Variants in NCKAP5 observed in about 807,000 individuals in gnomAD.
The protein encoded by NCKAP5 is nck-associated protein 5.
In NCKAP5, 92 loss-of-function variants were observed where a neutral mutation model predicts 167.0. The ratio of observed to expected loss-of-function variants is 0.55; its 90% CI spans 0.47 to 0.66. The LOEUF (loss-of-function observed/expected upper bound fraction) is 0.66. Ranked by LOEUF, NCKAP5 falls within the 30% of genes least tolerant of loss-of-function variation. The probability of loss-of-function intolerance (pLI) is 0.00; values close to 1 mark genes in which losing one functional copy is unlikely to be tolerated. For synonymous variants in NCKAP5, 891 were observed against 877.4 expected (o/e 1.02, Z -0.27); for missense variants, 2,378 against 2,315.0 (o/e 1.03, Z -0.56).
At chr2:133,196,551 T>C (rs1296443607) in intron 5 of NCKAP5, among the ~76,000 whole-genome samples, 1 of 152,080 alleles carries the variant, frequency 6.6e-6, no homozygotes, top group African/African-American at 2.4e-5. Context: ...AACACAAATA[T>C]AAATCCTAGA....
intron 8 of NCKAP5, among the ~76,000 whole-genome samples, chr2:132,923,362 A>C (rs972143670): frequency 6.6e-6 from 1 of 152,214 alleles, no homozygotes. Flanking sequence ...TGTGTCTTCT[A>C]TACCTGGGAT....
At chr2:133,244,780 A>C (rs564118996) in intron 4 of NCKAP5, among the ~76,000 whole-genome samples, 2 of 152,226 alleles carry the variant, frequency 1.3e-5, no homozygotes, top group East Asian at 3.9e-4. Flanking sequence ...AGTAACTCTT[A>C]ATCTTTAATT....
intron 3 of NCKAP5, among the ~76,000 whole-genome samples, chr2:133,367,449 T>C (rs1574812515): frequency 1.3e-5 from 2 of 152,172 alleles, no homozygotes; most frequent in African/African-American, 4.8e-5. Flanking sequence ...AAAATATAAG[T>C]TTAAAAACCA....
chr2:133,493,350 A>G (rs1326769827), intron 3 of NCKAP5, among the ~76,000 whole-genome samples: 1 of 152,216 alleles, frequency 6.6e-6, no homozygotes, highest in African/African-American at 2.4e-5. Context: ...AACAATTACC[A>G]TTAGCCAGTG....
At chr2:132,959,879 G>GA (rs750445960) in intron 8 of NCKAP5, among the ~76,000 whole-genome samples, 4 of 152,144 alleles carry the variant, frequency 2.6e-5, no homozygotes, top group Non-Finnish European at 5.9e-5. Context: ...AAAATACATA[G>GA]AAAATGCTAC....
Position 133,479,448 on chromosome 2 carries a change from A to G in NCKAP5, c.69+38010T>C, listed in dbSNP as rs190597431. 1.9e-3 allele frequency among the ~76,000 whole-genome samples: 283 copies of G among 152,326 alleles called. 1 individual carries two copies. The highest frequency in any genetic ancestry group is 2.5e-3 in the Non-Finnish European group (170 of 68,026). On this transcript the variant is annotated intron_variant, in intron 3 of 19. Coordinates refer to ENST00000409261, the MANE Select transcript of NCKAP5 (RefSeq NM_207363.3). ...TCAGTTCTGGTTATTGTCAAAACTG[A>G]TGTTTCTCCACCATGGAAGGGAACA...
At chr2:132,994,327 G>A (rs927665988) in intron 6 of NCKAP5, 88 bp from the exon 7 acceptor site, 17 of 869,152 alleles carry the variant, frequency 2.0e-5, no homozygotes, top group East Asian at 2.7e-5. Flanking sequence ...TCTTCTATGC[G>A]TATTTCCCAA....
At chr2:132,874,759 T>C (rs933040306) in intron 9 of NCKAP5, among the ~76,000 whole-genome samples, 4 of 152,076 alleles carry the variant, frequency 2.6e-5, no homozygotes, top group African/African-American at 7.2e-5. Flanking sequence ...TTTGTGAAAA[T>C]TGCCAATTTC....
At chr2:132,855,206 G>A (rs1415625151) in intron 11 of NCKAP5, among the ~76,000 whole-genome samples, 5 of 152,116 alleles carry the variant, frequency 3.3e-5, no homozygotes, top group Non-Finnish European at 7.3e-5. Flanking sequence ...TGCACGTCTG[G>A]CAGGTTAATA....
chr2:132,865,997 C>T (rs1347196493), intron 10 of NCKAP5, among the ~76,000 whole-genome samples: 1 of 152,134 alleles, frequency 6.6e-6, no homozygotes, highest in African/African-American at 2.4e-5. Context: ...TGCCCCTTTA[C>T]AGGGGAAATA....
chr2:133,054,670 G>C (rs912853864), intron 6 of NCKAP5, among the ~76,000 whole-genome samples: 2 of 152,138 alleles, frequency 1.3e-5, no homozygotes, highest in Non-Finnish European at 2.9e-5. Context: ...GCTTTTAGTG[G>C]GGTTAGAAAT....
At chr2:133,429,603 A>G (rs1040723585) in intron 3 of NCKAP5, among the ~76,000 whole-genome samples, 5 of 152,140 alleles carry the variant, frequency 3.3e-5, no homozygotes, top group African/African-American at 1.2e-4. Context: ...TTCACTTAGG[A>G]TAATGGACTC....
At chr2:132,692,648 A>G (rs532623688) in intron 19 of NCKAP5, among the ~76,000 whole-genome samples, 1 of 152,324 alleles carries the variant, frequency 6.6e-6, no homozygotes, top group African/African-American at 2.4e-5. Flanking sequence ...TCACACTGTG[A>G]AAAACAAGTG....
intron 3 of NCKAP5, among the ~76,000 whole-genome samples, chr2:133,337,257 C>G (rs751849445): frequency 9.2e-5 from 14 of 152,182 alleles, no homozygotes; most frequent in Non-Finnish European, 1.9e-4. Context: ...CTTGAACTTC[C>G]TCTAAACTTT....
rs1558760515 is a variant in NCKAP5 at position 132,781,105 on chromosome 2, G to A, written c.4996C>T (p.His1666Tyr). 6 of 1,613,704 alleles carry A rather than the reference G, an allele frequency of 3.7e-6. No individual in the cohort carries two copies. The highest frequency in any genetic ancestry group is 4.2e-6 in the Non-Finnish European group (5 of 1,179,800). The change falls in exon 15 of 20, where the codon CAC (histidine) becomes TAC (tyrosine). Residue 1666 changes from histidine to tyrosine, a missense_variant. Around this residue, in one of 3 missense-constraint regions of NCKAP5, gnomAD observed 1,325 missense variants for 1,274.5 expected, o/e 1.04. Transcript: ENST00000409261. ...IGSSISTQGN[H>Y]KKNMKIKADM... ...GCTTTGATTTTCATGTTTTTCTTGT[G>A]GTTTCCTTGAGTACTGATAGAGCTG...
chr2:133,137,118 T>C (rs1173576057), intron 5 of NCKAP5, among the ~76,000 whole-genome samples: 1 of 151,990 alleles, frequency 6.6e-6, no homozygotes, highest in Non-Finnish European at 1.5e-5. Context: ...ATTGTAGCCT[T>C]GTTTTTGTTT....
rs183589654 is a variant in NCKAP5, at chr2:133,461,413, G to A, written c.69+56045C>T. Among the ~76,000 whole-genome samples, 9 of 151,970 alleles carry A rather than the reference G, an allele frequency of 5.9e-5. No homozygotes were observed. The South Asian group carries it at 6.2e-4, about 11-fold the overall frequency. On this transcript the variant is annotated intron_variant, in intron 3 of 19. Transcript: ENST00000409261. The stretch of plus-strand genomic sequence containing the variant: ...TCTTTATTATTTTTCTAACAGCTAC[G>A]CATTAGGGTAAAGCTAGAGCTTCAA...
At chr2:132,961,851 T>C (rs2076520177) in intron 8 of NCKAP5, among the ~76,000 whole-genome samples, 1 of 152,260 alleles carries the variant, frequency 6.6e-6, no homozygotes, top group African/African-American at 2.4e-5. Context: ...TAAGAAATGA[T>C]AATATCAGCT....
intron 6 of NCKAP5, among the ~76,000 whole-genome samples, chr2:133,063,540 C>G (rs1350788896): frequency 3.3e-5 from 5 of 152,182 alleles, no homozygotes; most frequent in Non-Finnish European, 5.9e-5. Context: ...TCCTCTAAAG[C>G]TTTTTATGTG....
Sources: gnomAD v4.1 joint callset for allele counts (sites outside exome capture counted in the v4.1 genomes callset) on GRCh38, gnomAD v4.1.1 for gene constraint, gnomAD v4.1.1 regional missense constraint, MANE v1.5 for transcripts, NCBI Gene and HGNC (gene_info 2026-07-23, HGNC 2026-07-21) for gene names.